The following RBFOX1 variants were observed in gnomAD, a reference collection of about 807,000 sequenced individuals.
The protein encoded by RBFOX1 is RNA binding fox-1 homolog 1.
A neutral mutation model predicts 57.7 loss-of-function variants in RBFOX1; 8 were observed. The ratio of observed to expected loss-of-function variants is 0.14; its 90% CI spans 0.08 to 0.25. RBFOX1 has a LOEUF of 0.25. Ranked by LOEUF, RBFOX1 falls within the 10% of genes least tolerant of loss-of-function variation. RBFOX1 has a pLI of 1.00. For synonymous variants in RBFOX1, 326 were observed against 222.4 expected (o/e 1.47, Z -4.15); for missense variants, 611 against 548.5 (o/e 1.11, Z -1.14).
chr16:5,520,960 C>A (rs2043988688), intron 2 of RBFOX1, among the ~76,000 whole-genome samples: 1 of 152,168 alleles, frequency 6.6e-6, no homozygotes, highest in Admixed American at 6.5e-5. Context: ...CCAACTGCAG[C>A]CTGTGTGTGT....
intron 3 of RBFOX1, among the ~76,000 whole-genome samples, chr16:6,869,933 G>C (rs976735570): frequency 2.0e-5 from 3 of 152,128 alleles, no homozygotes; most frequent in African/African-American, 7.2e-5. Context: ...TATCATCTCA[G>C]CGTCTTGGGG....
intron 1 of RBFOX1, among the ~76,000 whole-genome samples, chr16:6,244,783 C>T (rs2152932384): frequency 6.6e-6 from 1 of 152,314 alleles, no homozygotes; most frequent in African/African-American, 2.4e-5. Context: ...GCTGGGATTA[C>T]AGGCGTGAGC....
At chr16:6,089,498 CT>C (rs1490182466) in intron 1 of RBFOX1, among the ~76,000 whole-genome samples, 3 of 152,200 alleles carry the variant, frequency 2.0e-5, no homozygotes, top group Non-Finnish European at 4.4e-5. Context: ...GGACTGCATG[CT>C]GAAAGGCATT....
intron 4 of RBFOX1, among the ~76,000 whole-genome samples, chr16:7,456,104 G>T (rs554108123): frequency 1.1e-4 from 16 of 152,266 alleles, no homozygotes; most frequent in African/African-American, 3.9e-4. Context: ...TTGAACAAGC[G>T]TTCCTACATT....
At chr16:5,486,107 A>G (rs2069723299) in intron 2 of RBFOX1, among the ~76,000 whole-genome samples, 1 of 152,188 alleles carries the variant, frequency 6.6e-6, no homozygotes, top group African/African-American at 2.4e-5. Flanking sequence ...GAACTGCTTT[A>G]TTCCAGTCAT....
intron 3 of RBFOX1, among the ~76,000 whole-genome samples, chr16:6,941,112 G>C (rs981850901): frequency 6.6e-6 from 1 of 151,950 alleles, no homozygotes; most frequent in African/African-American, 2.4e-5. Flanking sequence ...GTCTTAGTTG[G>C]AATTTCATTT....
intron 4 of RBFOX1, among the ~76,000 whole-genome samples, chr16:5,897,626 G>A (rs2058199717): frequency 1.3e-5 from 2 of 152,116 alleles, no homozygotes; most frequent in Non-Finnish European, 2.9e-5. Flanking sequence ...GGAAACCAAG[G>A]CCCCTCAAGG....
chr16:7,167,622 C>T (rs974061324), intron 4 of RBFOX1, among the ~76,000 whole-genome samples: 1 of 152,180 alleles, frequency 6.6e-6, no homozygotes, highest in Non-Finnish European at 1.5e-5. Flanking sequence ...TTGTTTCAAG[C>T]CACAGTTTTT....
At chr16:6,929,973 C>G (rs2076239253) in intron 3 of RBFOX1, among the ~76,000 whole-genome samples, 2 of 152,160 alleles carry the variant, frequency 1.3e-5, no homozygotes, top group Non-Finnish European at 2.9e-5. Flanking sequence ...GAATGACTGG[C>G]AAACCTGTCC....
rs140999150 is a variant in RBFOX1 at position 5,452,187 on chromosome 16, C to G, written c.220-15029C>G. Reference sequence around the variant, plus strand: ...AGGCTGGAGTGCAGTGGCACGATCTCAGCTCACTGCAACCTCTGCTTCTCG... The same window carrying G: ...AGGCTGGAGTGCAGTGGCACGATCTGAGCTCACTGCAACCTCTGCTTCTCG... On this transcript the variant is annotated intron_variant, in intron 1 of 2. Coordinates refer to the RBFOX1 transcript ENST00000585867. Among the ~76,000 whole-genome samples, 358 of 147,390 alleles carry G rather than the reference C, an allele frequency of 2.4e-3. 3 individuals carry two copies. The highest frequency in any genetic ancestry group is 8.2e-3 in the African/African-American group (328 of 39,942).
intron 3 of RBFOX1, among the ~76,000 whole-genome samples, chr16:5,846,632 A>G (rs867321312): frequency 5.3e-5 from 8 of 152,186 alleles, no homozygotes; most frequent in Middle Eastern, 3.4e-3. Context: ...GAACAGCAAG[A>G]CCCTGCTTCT....
intron 13 of RBFOX1, chr16:7,671,592 T>A (rs2071451826): frequency 1.2e-6 from 2 of 1,611,982 alleles, no homozygotes; most frequent in African/African-American, 2.7e-5. Context: ...GGCAATAAAT[T>A]GCTGCAGGTA....
chr16:7,511,620 C>CTT (rs377462882), intron 4 of RBFOX1, among the ~76,000 whole-genome samples: 27 of 149,064 alleles, frequency 1.8e-4, no homozygotes, highest in African/African-American at 5.9e-4. Context: ...ATTGAAATGA[C>CTT]TTTTTTTTTT....
intron 2 of RBFOX1, among the ~76,000 whole-genome samples, chr16:5,573,509 G>C (rs144711308): frequency 1.3e-5 from 2 of 152,184 alleles, no homozygotes; most frequent in Non-Finnish European, 2.9e-5. Flanking sequence ...GGTGACTTGG[G>C]TACTGACAAC....
chr16:5,247,668 C>A (rs1339171194), intron 1 of RBFOX1, among the ~76,000 whole-genome samples: 1 of 152,184 alleles, frequency 6.6e-6, no homozygotes, highest in South Asian at 2.1e-4. Context: ...TGCTTTCCTG[C>A]TACATTGGAG....
At chr16:5,769,322 C>T (rs2053897608) in intron 3 of RBFOX1, among the ~76,000 whole-genome samples, 1 of 151,772 alleles carries the variant, frequency 6.6e-6, no homozygotes, top group Non-Finnish European at 1.5e-5. Context: ...GGCCCTAATC[C>T]AGTATGACTG....
At chr16:5,560,726 C>T (rs1157343428) in intron 2 of RBFOX1, among the ~76,000 whole-genome samples, 1 of 152,158 alleles carries the variant, frequency 6.6e-6, no homozygotes, top group African/African-American at 2.4e-5. Context: ...CAAAGTTTGA[C>T]TCTTGGACCT....
chr16:7,262,126 C>G (rs563721906), intron 4 of RBFOX1, among the ~76,000 whole-genome samples: 1 of 150,194 alleles, frequency 6.7e-6, no homozygotes, highest in South Asian at 2.1e-4. Context: ...CACAGAGAAA[C>G]TTTGTAGTAA....
At chr16:6,450,801 GTATATATATATATATACATATATA>G (rs2094585899) in intron 2 of RBFOX1, among the ~76,000 whole-genome samples, 174 of 16,400 alleles carry the variant, frequency 0.011, 15 homozygotes, top group African/African-American at 0.036. Flanking sequence ...ATATATATAT[GTATATATATATATATACATATATA>G]TATATATATA....
Sources: gnomAD v4.1 joint callset for allele counts (sites outside exome capture counted in the v4.1 genomes callset) on GRCh38, gnomAD v4.1.1 for gene constraint, MANE v1.5 for transcripts, NCBI Gene and HGNC (gene_info 2026-07-23, HGNC 2026-07-21) for gene names.